NRAP: variants seen among roughly 807,000 people sequenced by gnomAD.
NRAP encodes the protein nebulin-related-anchoring protein.
A neutral mutation model predicts 225.9 loss-of-function variants in NRAP; 189 were observed. The ratio of observed to expected loss-of-function variants is 0.84; its 90% confidence interval spans 0.74 to 0.94. The LOEUF is 0.94. NRAP is among the 40% of genes least tolerant of loss of function. The pLI, the probability that NRAP is intolerant of heterozygous loss-of-function variation, is 0.00. For synonymous variants in NRAP, 769 were observed against 790.7 expected (o/e 0.97, Z 0.46); for missense variants, 2,176 against 2,168.7 (o/e 1.00, Z -0.07).
rs763794393 is a variant in NRAP at position 113,646,976 on chromosome 10, T to C, written c.940A>G (p.Met314Val). 5.6e-5 allele frequency: 90 copies of C among 1,614,028 alleles called. No individual in the cohort carries two copies. The highest frequency in any genetic ancestry group is 1.1e-4 in the African/African-American group (8 of 74,920). Residue 314 changes from methionine (M) to valine (V), a missense_variant, in exon 10 of 42, where the codon ATG (methionine) becomes GTG (valine). Met to Val is a conservative substitution (Grantham distance 21, BLOSUM62 1). Around this residue, in one of 3 missense-constraint regions of NRAP, gnomAD observed 1,708 missense variants for 1,695.5 expected, o/e 1.01. Coordinates refer to ENST00000359988, the MANE Select transcript of NRAP (RefSeq NM_198060.4). ...GCGTTCTGATATGCTGGAGTGATCA[T>C]AGCTGGGAAGCTGCCCTTTCCCCTG... ...EHRGKGSFPAMITPAYQNAKK... is the reference protein window; with the variant it reads ...EHRGKGSFPAVITPAYQNAKK...
In NRAP at chr10:113,632,960, G is replaced by A. The variant is rs1029459043; in HGVS notation, c.1632+124C>T. ...ATAGCAAAATTCAAAGTTACAACTTGATGGATGCCTCTGATGAGCCTTTCT... is the reference window on the plus strand; with the variant it reads ...ATAGCAAAATTCAAAGTTACAACTTAATGGATGCCTCTGATGAGCCTTTCT... On this transcript the variant is annotated intron_variant, in intron 16 of 41. Coordinates refer to ENST00000359988, the MANE Select transcript of NRAP (RefSeq NM_198060.4). 5 of 671,118 alleles carry A rather than the reference G, an allele frequency of 7.5e-6. No individual in the cohort carries two copies. In the African/African-American group the frequency reaches 9.0e-5, roughly 12 times the overall value. 41.6% of individuals were successfully genotyped at this position (671,118 alleles called of 1,614,324 possible).
rs571355914 is a variant in NRAP at position 113,591,749 on chromosome 10, G to A, written c.4644+445C>T. On this transcript the variant is annotated intron_variant, in intron 39 of 41. Coordinates refer to ENST00000359988, the MANE Select transcript of NRAP (RefSeq NM_198060.4). Reference sequence around the variant, plus strand: ...CTATTTCATAGATGTAGAAAATCAAGTTCAGAGAATTTGAGCAACTTGCCC... The same window carrying A: ...CTATTTCATAGATGTAGAAAATCAAATTCAGAGAATTTGAGCAACTTGCCC... Among the ~76,000 whole-genome samples the A allele has an allele frequency of 1.8e-3, 273 of 152,294 alleles. 2 individuals are homozygous for A. The highest frequency in any genetic ancestry group is 6.4e-3 in the African/African-American group (264 of 41,556).
chr10:113,595,875 C>G (rs1205181670), intron 37 of NRAP, 148 bp from the exon 38 acceptor site: 1 of 500,216 alleles, frequency 2.0e-6, no homozygotes, highest in East Asian at 3.2e-5. Context: ...AGTGTCCCTC[C>G]AGAACCCACA....
At position 113,597,999 on chromosome 10, in the gene NRAP, A is replaced by C. The variant is rs1377428771; in HGVS notation, c.4302T>G (p.Ser1434Arg). The C allele has an allele frequency of 6.2e-7, 1 of 1,613,076 alleles. No individual in the cohort carries two copies. The highest frequency in any genetic ancestry group is 1.1e-5 in the South Asian group (1 of 90,988). The change falls in exon 36 of 42, where the codon AGT becomes AGG. Residue 1434 changes from serine (S) to arginine (R), a missense_variant. Physicochemically the swap from Ser to Arg is moderately radical, Grantham distance 110. Transcript: ENST00000359988. ...TGATGAGTTCTCCAGCCTTCTTTGCACTCTCCATCTGTGGGGATCTCAGCG... is the reference window on the plus strand; with the variant it reads ...TGATGAGTTCTCCAGCCTTCTTTGCCCTCTCCATCTGTGGGGATCTCAGCG... ...WLALRSPQME[S>R]AKKAGELISE...
intron 35 of NRAP, among the ~76,000 whole-genome samples, chr10:113,601,388 C>A (rs539419285): frequency 1.4e-4 from 22 of 152,300 alleles, no homozygotes; most frequent in African/African-American, 4.8e-4. Flanking sequence ...AATAGAAACA[C>A]GTGAAATGGG....
intron 36 of NRAP, 44 bp downstream of exon 36, chr10:113,597,925 C>T: frequency 2.2e-6 from 3 of 1,337,260 alleles, no homozygotes; most frequent in Non-Finnish European, 3.2e-6. Flanking sequence ...AAAGGAAATG[C>T]TAGCTTGCCC....
chr10:113,615,066 A>T, intron 27 of NRAP, 120 bp from the exon 28 acceptor site: 1 of 530,362 alleles, frequency 1.9e-6, no homozygotes, highest in Non-Finnish European at 3.6e-6. Flanking sequence ...GGCCAGTTGG[A>T]GTTAGAGATC....
chr10:113,631,360 C>T, intron 18 of NRAP, 149 bp downstream of exon 18: 1 of 572,076 alleles, frequency 1.7e-6, no homozygotes, highest in South Asian at 2.7e-5. Context: ...ACAAATAAAC[C>T]AAACAAACTT....
At chr10:113,615,882 C>T (rs1315537877) in intron 26 of NRAP, 66 bp from the exon 27 acceptor site, 25 of 931,612 alleles carry the variant, frequency 2.7e-5, no homozygotes, top group Non-Finnish European at 3.6e-5. Context: ...AGCCAGGTTA[C>T]GCTTCAAGAG....
intron 30 of NRAP, 112 bp from the exon 31 acceptor site, chr10:113,610,675 C>T (rs1246012061): frequency 7.5e-6 from 5 of 667,266 alleles, no homozygotes; most frequent in Admixed American, 4.6e-5. Context: ...ATAATTAGAA[C>T]TCAAGGCTGA....
intron 30 of NRAP, 127 bp from the exon 31 acceptor site, chr10:113,610,690 G>A (rs1195860321): frequency 3.9e-5 from 24 of 622,640 alleles, no homozygotes; most frequent in East Asian, 2.3e-4. Context: ...GGCTGAACCC[G>A]TCCCTCCGGA....
chr10:113,649,905 A>C (rs1287750834), intron 9 of NRAP, 132 bp downstream of exon 9: 1 of 621,322 alleles, frequency 1.6e-6, no homozygotes, highest in Non-Finnish European at 2.9e-6. Context: ...CTATCTTGGA[A>C]AATCTACCTT....
chr10:113,593,046 G>A (rs12359128), intron 38 of NRAP, among the ~76,000 whole-genome samples: 2 of 152,046 alleles, frequency 1.3e-5, no homozygotes, highest in African/African-American at 4.8e-5. Flanking sequence ...CCTTCATGTA[G>A]CTAATATTTT....
At chr10:113,590,922 G>A in intron 39 of NRAP, 33 bp from the exon 40 acceptor site, 1 of 1,592,508 alleles carries the variant, frequency 6.3e-7, no homozygotes. Context: ...CAGATCATGG[G>A]TGCCTACCTC....
Position 113,626,140 on chromosome 10 carries a change from G to C in NRAP, c.2151C>G (p.Asn717Lys). The C allele has an allele frequency of 6.2e-7, 1 of 1,600,892 alleles. No homozygotes were observed. The highest frequency in any genetic ancestry group is 8.5e-7 in the Non-Finnish European group (1 of 1,173,564). The stretch of plus-strand genomic sequence containing the variant: ...TCAGCTCATCGACCCTCTGCCGGTA[G>C]TTTTTCTGTTTCCAAAGGAAAGGGA... ...KKAGQLVSEK[N>K]YRQRVDELKF... Residue 717 changes from asparagine to lysine, a missense_variant, in exon 21 of 42, where the codon AAC becomes AAG. Physicochemically the swap from Asn to Lys is moderately conservative, Grantham distance 94 (BLOSUM62 0). Transcript: ENST00000359988.
intron 32 of NRAP, among the ~76,000 whole-genome samples, chr10:113,607,380 T>G (rs1237285595): frequency 1.0e-5 from 1 of 98,828 alleles, no homozygotes. Context: ...CCAGCCTGGG[T>G]GAAAGAGCGA....
intron 37 of NRAP, among the ~76,000 whole-genome samples, chr10:113,596,864 C>T (rs1004762691): frequency 3.3e-5 from 5 of 152,176 alleles, no homozygotes; most frequent in Non-Finnish European, 7.3e-5. Context: ...CCCGAAACCC[C>T]AACCTCCTTC....
chr10:113,620,473 C>T (rs60001971), intron 25 of NRAP, 131 bp downstream of exon 25: 1 of 666,810 alleles, frequency 1.5e-6, no homozygotes, highest in Non-Finnish European at 2.6e-6. Context: ...CAGCCCTAGT[C>T]TGGGTTTTGA....
At position 113,644,147 on chromosome 10, in the gene NRAP, CAAAAAAAA is replaced by C. The variant is rs60015356; in HGVS notation, c.1111-1117_1111-1110del. On this transcript the variant is annotated intron_variant, in intron 11 of 41. Transcript: ENST00000359988. ...GGCCAACAAGAGTGAAACTCCCTCT[CAAAAAAAA>C]AAAAAAAAAAAAAAGGCCAAAATGT... 1.3e-4 allele frequency among the ~76,000 whole-genome samples: 6 copies of C among 47,984 alleles called. 1 individual carries two copies. The highest frequency in any genetic ancestry group is 4.6e-4 in the African/African-American group (6 of 13,108). 31.5% of individuals were successfully genotyped at this position (47,984 alleles called of 152,430 possible).
Sources: gnomAD v4.1 joint callset for allele counts (sites outside exome capture counted in the v4.1 genomes callset) on GRCh38, gnomAD v4.1.1 for gene constraint, gnomAD v4.1.1 regional missense constraint, MANE v1.5 for transcripts, NCBI Gene and HGNC (gene_info 2026-07-23, HGNC 2026-07-21) for gene names.